IGSF10: variants seen among roughly 807,000 people sequenced by gnomAD.
IGSF10 encodes the protein immunoglobulin superfamily member 10.
In IGSF10, 126 loss-of-function variants were observed where a neutral mutation model predicts 128.2. The ratio of observed to expected loss-of-function variants is 0.98; its 90% confidence interval spans 0.85 to 1.14. The LOEUF (loss-of-function observed/expected upper bound fraction) is 1.14. Among genes scored for constraint, IGSF10 ranks in the 50% most tolerant of loss-of-function variants. IGSF10 has a pLI of 0.00. For synonymous variants in IGSF10, 1,185 were observed against 1,146.2 expected (o/e 1.03, Z -0.68); for missense variants, 3,295 against 3,149.8 (o/e 1.05, Z -1.10).
chr3:151,466,475 A>T, the IGSF10 span, among the ~76,000 whole-genome samples: 2 of 152,338 alleles, frequency 1.3e-5, no homozygotes, highest in East Asian at 3.9e-4. Context: ...ATTTTTAATA[A>T]TGGAATTATC....
At chr3:151,460,392 T>C in intron 1 of IGSF10, 45 bp from the exon 2 acceptor site, 1 of 655,806 alleles carries the variant, frequency 1.5e-6, no homozygotes, top group Non-Finnish European at 1.9e-6. Context: ...CAAAAAGCCT[T>C]ATTCTTTTTG....
chr3:151,595,379 T>C, the IGSF10 span, among the ~76,000 whole-genome samples: 667 of 152,138 alleles, frequency 4.4e-3, 1 homozygote, highest in African/African-American at 0.015. Context: ...TAAGTGTCCA[T>C]TGATGGCTGA....
chr3:151,445,880 G>A lies in IGSF10; in HGVS notation c.4101C>T (p.Gly1367=), dbSNP rs1332648683. The part of the protein sequence containing the change: ...DPNISPDQSS[G]FTTPTAMTPP... The stretch of plus-strand genomic sequence containing the variant: ...GTGTCATAGCAGTGGGTGTAGTGAA[G>A]CCAGAACTCTGGTCTGGAGAGATGT... The change falls in exon 6 of 8, where the codon GGC becomes GGT. Residue 1367 remains glycine (G), a synonymous_variant. Coordinates refer to ENST00000282466, the MANE Select transcript of IGSF10 (RefSeq NM_178822.5). The A allele has an allele frequency of 6.2e-7, 1 of 1,614,092 alleles. No homozygotes were observed. The highest frequency in any genetic ancestry group is 8.5e-7 in the Non-Finnish European group (1 of 1,180,044).
chr3:151,461,171 C>T (rs113361418), upstream of IGSF10: 1 of 985,278 alleles, frequency 1.0e-6, no homozygotes, highest in Non-Finnish European at 1.2e-6. Context: ...TTTATGTTTA[C>T]GAGCGTGTGG....
rs775244800 is a variant in IGSF10 at position 151,446,055 on chromosome 3, T to C, written c.3926A>G (p.Lys1309Arg). 5.0e-6 allele frequency: 8 copies of C among 1,614,130 alleles called. No homozygotes were observed. In the South Asian group the frequency reaches 8.8e-5, roughly 18 times the overall value. The change falls in exon 6 of 8, where the codon AAA (lysine) becomes AGA (arginine). Residue 1309 changes from lysine (K) to arginine (R), a missense_variant. Physicochemically the swap from Lys to Arg is conservative, Grantham distance 26 (BLOSUM62 2). Coordinates refer to ENST00000282466, the MANE Select transcript of IGSF10 (RefSeq NM_178822.5). The part of the protein sequence containing the change: ...PSIISKDSST[K>R]SIISTQTAIP... ...TGCTGTTTGCGTTGATATGATGCTT[T>C]TTGTACTTGAGTCTTTGCTTATAAT...
the IGSF10 span, among the ~76,000 whole-genome samples, chr3:151,520,166 T>C: frequency 9.2e-5 from 14 of 151,988 alleles, no homozygotes; most frequent in East Asian, 2.7e-3. Context: ...TTCAGGATTT[T>C]ATTTTATTGA....
intron 7 of IGSF10, 66 bp from the exon 8 acceptor site, chr3:151,438,663 G>T: frequency 3.1e-6 from 4 of 1,288,470 alleles, no homozygotes; most frequent in Non-Finnish European, 3.3e-6. Flanking sequence ...TTTTACTCAG[G>T]ATTGCCTCCC....
Position 151,458,645 on chromosome 3 carries a change from G to A in IGSF10, c.65C>T (p.Ala22Val). The change falls in exon 3 of 8, where the codon GCC (alanine) becomes GTC (valine). Residue 22 changes from alanine to valine, a missense_variant. Transcript: ENST00000282466. ...AGGACAGGCCTTGCCCCCAGGGGTGGCGACCAGGCAGATCACAGCAAAGGA... is the reference window on the plus strand; with the variant it reads ...AGGACAGGCCTTGCCCCCAGGGGTGACGACCAGGCAGATCACAGCAAAGGA... Reference protein sequence around the residue: ...LVSFAVICLVATPGGKACPRR... With the variant: ...LVSFAVICLVVTPGGKACPRR... The A allele has an allele frequency of 6.2e-7, 1 of 1,614,164 alleles. No homozygotes were observed. Among genetic ancestry groups the A allele is most frequent in the Non-Finnish European group, 8.5e-7 (1 of 1,180,034 alleles).
the IGSF10 span, among the ~76,000 whole-genome samples, chr3:151,511,132 C>G: frequency 6.6e-6 from 1 of 151,942 alleles, no homozygotes; most frequent in African/African-American, 2.4e-5. Context: ...AGATACTCCT[C>G]GAGAAGAGCA....
At chr3:151,459,113 A>G (rs1347243146) in intron 2 of IGSF10, among the ~76,000 whole-genome samples, 1 of 152,240 alleles carries the variant, frequency 6.6e-6, no homozygotes, top group African/African-American at 2.4e-5. Context: ...TATAACAGTA[A>G]TATCTGTGCA....
the IGSF10 span, among the ~76,000 whole-genome samples, chr3:151,612,684 C>T: frequency 6.6e-6 from 1 of 152,054 alleles, no homozygotes; most frequent in Non-Finnish European, 1.5e-5. Flanking sequence ...TATGGGCATA[C>T]AGACTGTAAT....
At chr3:151,484,009 C>T in the IGSF10 span, among the ~76,000 whole-genome samples, 5 of 152,190 alleles carry the variant, frequency 3.3e-5, no homozygotes, top group African/African-American at 4.8e-5. Context: ...TCTGGCTCAG[C>T]GGGTCCCACC....
the IGSF10 span, among the ~76,000 whole-genome samples, chr3:151,606,089 G>A: frequency 6.6e-6 from 1 of 152,174 alleles, no homozygotes; most frequent in African/African-American, 2.4e-5. Context: ...GAAGAAGAGA[G>A]GGTGGGCTCC....
chr3:151,558,931 T>A, the IGSF10 span, among the ~76,000 whole-genome samples: 1 of 152,120 alleles, frequency 6.6e-6, no homozygotes, highest in Non-Finnish European at 1.5e-5. Context: ...CCTAGTAAAT[T>A]TTAGAAATGT....
the IGSF10 span, among the ~76,000 whole-genome samples, chr3:151,534,020 A>T: frequency 6.6e-6 from 1 of 152,258 alleles, no homozygotes; most frequent in African/African-American, 2.4e-5. Context: ...ACTTCTCAAA[A>T]GAAGACATTT....
Position 151,446,235 on chromosome 3 carries a change from G to C in IGSF10, c.3746C>G (p.Pro1249Arg), listed in dbSNP as rs777821866. The change falls in exon 6 of 8, where the codon CCT becomes CGT. Residue 1249 changes from proline (P) to arginine (R), a missense_variant. Coordinates refer to ENST00000282466, the MANE Select transcript of IGSF10 (RefSeq NM_178822.5). ...SPALPRDKVS[P>R]FHFTTLSTSV... Reference sequence around the variant, plus strand: ...TGTTGAAAGTGTGGTGAAATGGAAAGGGGAGACTTTGTCTCTGGGTAAAGC... The same window carrying C: ...TGTTGAAAGTGTGGTGAAATGGAAACGGGAGACTTTGTCTCTGGGTAAAGC... The C allele has an allele frequency of 6.2e-7, 1 of 1,613,852 alleles. No homozygotes were observed. The highest frequency in any genetic ancestry group is 8.5e-7 in the Non-Finnish European group (1 of 1,179,730).
upstream of IGSF10, among the ~76,000 whole-genome samples, chr3:151,463,523 G>GTTTTTT (rs745415781): frequency 3.9e-3 from 122 of 31,268 alleles, 16 homozygotes; most frequent in Non-Finnish European, 5.1e-3. Flanking sequence ...ACATTTTCTG[G>GTTTTTT]TTTTTTTTTT....
At chr3:151,602,039 T>C in the IGSF10 span, among the ~76,000 whole-genome samples, 1 of 152,094 alleles carries the variant, frequency 6.6e-6, no homozygotes, top group Admixed American at 6.6e-5. Flanking sequence ...TTTTTTTTGC[T>C]TTTATCAGTG....
intron 5 of IGSF10, among the ~76,000 whole-genome samples, 174 bp downstream of exon 5, chr3:151,453,210 C>T (rs1721593178): frequency 6.6e-6 from 1 of 152,140 alleles, no homozygotes; most frequent in African/African-American, 2.4e-5. Context: ...ACTTGACTGC[C>T]ACAGTTGCCA....
Sources: gnomAD v4.1 joint callset for allele counts (sites outside exome capture counted in the v4.1 genomes callset) on GRCh38, gnomAD v4.1.1 for gene constraint, MANE v1.5 for transcripts, NCBI Gene and HGNC (gene_info 2026-07-23, HGNC 2026-07-21) for gene names.